The following ZNF618 variants were observed in gnomAD, a reference collection of about 807,000 sequenced individuals.
The protein encoded by ZNF618 is neural precursor cell expressed, developmentally down-regulated 10.
Under a neutral mutation model 103.0 loss-of-function variants are expected in ZNF618, and 34 were observed. The ratio of observed to expected loss-of-function variants is 0.33; its 90% CI spans 0.25 to 0.44. The LOEUF (loss-of-function observed/expected upper bound fraction) is 0.44. Among genes scored for constraint, ZNF618 ranks in the 20% least tolerant of loss-of-function variants. The pLI is 1.00. For missense variants in ZNF618, 1,059 were observed against 1,295.4 expected, an observed-to-expected ratio of 0.82 and a Z score of 2.80; for synonymous variants, 551 against 542.2, an observed-to-expected ratio of 1.02 and a Z score of -0.23.
intron 2 of ZNF618, among the ~76,000 whole-genome samples, chr9:113,987,430 C>T (rs1051742120): frequency 2.0e-5 from 3 of 152,144 alleles, no homozygotes; most frequent in Non-Finnish European, 2.9e-5. Context: ...ATCATTACCT[C>T]GAGGATGTTT....
intron 1 of ZNF618, among the ~76,000 whole-genome samples, chr9:113,915,711 TC>T (rs1200810131): frequency 1.3e-5 from 2 of 151,748 alleles, no homozygotes; most frequent in Non-Finnish European, 2.9e-5. Flanking sequence ...GTGTGGGGTT[TC>T]TGGGGGAAGG....
At chr9:114,032,030 C>A (rs1369932605) in intron 11 of ZNF618, among the ~76,000 whole-genome samples, 1 of 152,188 alleles carries the variant, frequency 6.6e-6, no homozygotes, top group Non-Finnish European at 1.5e-5. Flanking sequence ...AGCCTGTAAG[C>A]AGAGACACCC....
At chr9:113,969,263 G>T in intron 2 of ZNF618, 103 bp downstream of exon 2, 1 of 1,435,718 alleles carries the variant, frequency 7.0e-7, no homozygotes. Flanking sequence ...GGAAGGATGG[G>T]TGGTCCAGGC....
At position 113,928,143 on chromosome 9, in the gene ZNF618, A is replaced by G. The variant is rs577936866; in HGVS notation, c.34-40974A>G. Among the ~76,000 whole-genome samples, 46 of 152,262 alleles carry G rather than the reference A, an allele frequency of 3.0e-4. No individual in the cohort carries two copies. In the South Asian group the frequency reaches 8.3e-3, roughly 27 times the overall value. ...TTGTACTTCAGTTTGGATAGTTCCTATTGAACTCTTCCAATGCAGTGATTT... is the reference window on the plus strand; with the variant it reads ...TTGTACTTCAGTTTGGATAGTTCCTGTTGAACTCTTCCAATGCAGTGATTT... On this transcript the variant is annotated intron_variant, in intron 1 of 14. Coordinates refer to ENST00000374126, the MANE Select transcript of ZNF618 (RefSeq NM_001318042.2).
intron 13 of ZNF618, among the ~76,000 whole-genome samples, chr9:114,046,138 C>G (rs1274871022): frequency 6.6e-6 from 1 of 152,050 alleles, no homozygotes; most frequent in Non-Finnish European, 1.5e-5. Flanking sequence ...ATAAGATTTT[C>G]TATATACACA....
At chr9:113,961,445 G>A (rs575396092) in intron 1 of ZNF618, among the ~76,000 whole-genome samples, 122 of 152,324 alleles carry the variant, frequency 8.0e-4, no homozygotes, top group Middle Eastern at 3.4e-3. Context: ...CACCGGCCAA[G>A]GCCTTGCCCA....
At chr9:114,025,707 C>T (rs1843438015) in intron 10 of ZNF618, among the ~76,000 whole-genome samples, 1 of 151,986 alleles carries the variant, frequency 6.6e-6, no homozygotes. Context: ...CCTCTCTGAG[C>T]TTGAGTAGCC....
At chr9:113,990,022 C>G (rs2133339066) in intron 3 of ZNF618, among the ~76,000 whole-genome samples, 1 of 152,346 alleles carries the variant, frequency 6.6e-6, no homozygotes, top group Admixed American at 6.5e-5. Flanking sequence ...ACCTTCTAGC[C>G]CCATTTCTTG....
At chr9:113,902,636 C>T (rs189202236) in intron 1 of ZNF618, among the ~76,000 whole-genome samples, 20 of 152,272 alleles carry the variant, frequency 1.3e-4, no homozygotes, top group Admixed American at 1.2e-3. Context: ...ACTTTTGTGC[C>T]TCTGCTCTGT....
At chr9:114,045,153 C>T (rs1047568773) in intron 13 of ZNF618, among the ~76,000 whole-genome samples, 3 of 151,830 alleles carry the variant, frequency 2.0e-5, no homozygotes, top group Non-Finnish European at 2.9e-5. Context: ...CCCATTCTGT[C>T]GGTTGTCTTT....
chr9:113,938,564 C>CTTTTTTTTTTTTT (rs751883694), intron 1 of ZNF618, among the ~76,000 whole-genome samples: 1 of 77,690 alleles, frequency 1.3e-5, no homozygotes. Context: ...ATTATATTTT[C>CTTTTTTTTTTTTT]TTTTTTTCTT....
chr9:113,889,347 T>TCTCTCTCTCTCTCCCTC (rs1477289947), intron 1 of ZNF618, among the ~76,000 whole-genome samples: 4 of 104,122 alleles, frequency 3.8e-5, no homozygotes, highest in African/African-American at 1.3e-4. Flanking sequence ...CTCTCTCTCT[T>TCTCTCTCTCTCTCCCTC]TCTCTCCCTC....
chr9:114,043,607 T>G (rs953102028), intron 13 of ZNF618, among the ~76,000 whole-genome samples: 1 of 152,152 alleles, frequency 6.6e-6, no homozygotes, highest in Non-Finnish European at 1.5e-5. Flanking sequence ...TACTTTTAGG[T>G]CTTTAAGGAA....
chr9:114,011,996 G>C (rs542100355), intron 9 of ZNF618, among the ~76,000 whole-genome samples: 58 of 150,110 alleles, frequency 3.9e-4, no homozygotes, highest in Non-Finnish European at 7.8e-4. Context: ...TTTTATGCCT[G>C]AATAAGGAAG....
intron 10 of ZNF618, among the ~76,000 whole-genome samples, chr9:114,022,601 CAAAAAAAAAA>C (rs56235947): frequency 1.1e-5 from 1 of 90,788 alleles, no homozygotes; most frequent in South Asian, 4.8e-4. Context: ...TCCACTTGAC[CAAAAAAAAAA>C]AAAAAAAAAA....
At chr9:113,900,127 G>A (rs1013569698) in intron 1 of ZNF618, among the ~76,000 whole-genome samples, 4 of 151,870 alleles carry the variant, frequency 2.6e-5, no homozygotes, top group African/African-American at 4.8e-5. Context: ...GTGTTATCTC[G>A]GCTCACTGCA....
At chr9:114,002,922 A>G (rs1215008139) in intron 6 of ZNF618, among the ~76,000 whole-genome samples, 1 of 152,198 alleles carries the variant, frequency 6.6e-6, no homozygotes. Flanking sequence ...TTCTCTGGCC[A>G]AGTAACTTTG....
At chr9:113,895,527 T>G (rs1012479877) in intron 1 of ZNF618, among the ~76,000 whole-genome samples, 1 of 152,130 alleles carries the variant, frequency 6.6e-6, no homozygotes. Context: ...GCTGTTTTTG[T>G]CATTTTTTAA....
chr9:113,894,245 G>A (rs1445817856), intron 1 of ZNF618, among the ~76,000 whole-genome samples: 1 of 151,926 alleles, frequency 6.6e-6, no homozygotes, highest in Non-Finnish European at 1.5e-5. Context: ...TTTGTATTTG[G>A]AGGATGATTC....
Sources: gnomAD v4.1 joint callset for allele counts (sites outside exome capture counted in the v4.1 genomes callset) on GRCh38, gnomAD v4.1.1 for gene constraint, MANE v1.5 for transcripts, NCBI Gene and HGNC (gene_info 2026-07-23, HGNC 2026-07-21) for gene names.